The following VEGFC variants were observed in gnomAD, a reference collection of about 807,000 sequenced individuals.
The protein encoded by VEGFC is FLT4 ligand DHM.
VEGFC carries 12 observed loss-of-function variants against 46.1 expected under a neutral mutation model. The ratio of observed to expected loss-of-function variants is 0.26; its 90% confidence interval spans 0.17 to 0.42. The LOEUF is 0.42. VEGFC is among the 10% of genes least tolerant of loss of function. VEGFC has a pLI of 1.00. For synonymous variants in VEGFC, 232 were observed against 195.5 expected (o/e 1.19, Z -1.56); for missense variants, 488 against 529.4 (o/e 0.92, Z 0.77).
At chr4:176,782,816 A>C (rs1359350198) in intron 1 of VEGFC, among the ~76,000 whole-genome samples, 1 of 152,012 alleles carries the variant, frequency 6.6e-6, no homozygotes, top group African/African-American at 2.4e-5. Flanking sequence ...CAGAAAAAAA[A>C]TTCTGTTTAA....
intron 4 of VEGFC, among the ~76,000 whole-genome samples, chr4:176,704,190 G>A (rs974763764): frequency 1.1e-4 from 16 of 152,028 alleles, no homozygotes; most frequent in South Asian, 2.1e-4. Context: ...TCAGTCTCCC[G>A]TACAGATTAC....
At chr4:176,778,797 G>C (rs1735859441) in intron 1 of VEGFC, among the ~76,000 whole-genome samples, 1 of 152,008 alleles carries the variant, frequency 6.6e-6, no homozygotes, top group South Asian at 2.1e-4. Context: ...CATGTACAGG[G>C]ACAAAACCTT....
chr4:176,764,274 C>T (rs760353687), intron 1 of VEGFC, among the ~76,000 whole-genome samples: 1 of 152,088 alleles, frequency 6.6e-6, no homozygotes, highest in Non-Finnish European at 1.5e-5. Flanking sequence ...GGCTGAAAAT[C>T]CAGGCAGAAA....
At chr4:176,779,729 G>GCC (rs34520805) in intron 1 of VEGFC, among the ~76,000 whole-genome samples, 1 of 151,210 alleles carries the variant, frequency 6.6e-6, no homozygotes, top group East Asian at 1.9e-4. Flanking sequence ...CGAAAGCAAA[G>GCC]CCCCCAGATA....
intron 1 of VEGFC, among the ~76,000 whole-genome samples, chr4:176,762,637 CATCT>C (rs1393785281): frequency 7.2e-5 from 11 of 152,204 alleles, no homozygotes; most frequent in African/African-American, 2.4e-4. Flanking sequence ...TGAAAAAGTG[CATCT>C]ATCTATTTAT....
chr4:176,717,691 T>G (rs1262565834), intron 3 of VEGFC, among the ~76,000 whole-genome samples: 2 of 152,052 alleles, frequency 1.3e-5, no homozygotes, highest in African/African-American at 4.8e-5. Context: ...TCAGAACAAA[T>G]CTCACTACCA....
intron 4 of VEGFC, chr4:176,706,082 G>A (rs1734529630): frequency 6.6e-6 from 1 of 152,206 alleles, no homozygotes. Flanking sequence ...GAGACAATGT[G>A]TGGCAGATGC....
chr4:176,776,195 A>C (rs1254813729), intron 1 of VEGFC, among the ~76,000 whole-genome samples: 2 of 152,226 alleles, frequency 1.3e-5, no homozygotes, highest in African/African-American at 4.8e-5. Context: ...TTGAGAAACA[A>C]AGGTAAAGTT....
intron 3 of VEGFC, among the ~76,000 whole-genome samples, chr4:176,716,479 A>G (rs1734699954): frequency 6.8e-6 from 1 of 147,638 alleles, no homozygotes; most frequent in Non-Finnish European, 1.5e-5. Context: ...TGGGAGGCTG[A>G]GGCAGGAGAG....
chr4:176,687,747 G>C, intron 5 of VEGFC, 74 bp downstream of exon 5: 1 of 1,115,256 alleles, frequency 9.0e-7, no homozygotes, highest in Non-Finnish European at 1.3e-6. Flanking sequence ...TTATATGTGT[G>C]GTTTTAATAT....
At chr4:176,713,448 T>A (rs1162220509) in intron 3 of VEGFC, among the ~76,000 whole-genome samples, 1 of 152,114 alleles carries the variant, frequency 6.6e-6, no homozygotes, top group Non-Finnish European at 1.5e-5. Context: ...ACAAAGTGGT[T>A]TTAAAAAGCA....
At chr4:176,724,242 G>A (rs1306868823) in intron 3 of VEGFC, among the ~76,000 whole-genome samples, 4 of 152,156 alleles carry the variant, frequency 2.6e-5, no homozygotes, top group Non-Finnish European at 4.4e-5. Flanking sequence ...AAAGGCTAGG[G>A]GTCAGGGAAC....
chr4:176,767,257 A>G (rs1434877778), intron 1 of VEGFC, among the ~76,000 whole-genome samples: 2 of 152,180 alleles, frequency 1.3e-5, no homozygotes, highest in African/African-American at 2.4e-5. Context: ...TTCCATGAAA[A>G]GGCAAAATAA....
rs182171653 is a variant in VEGFC at position 176,779,580 on chromosome 4, G to C, written c.147+12585C>G. ...TGAGCACCCAGGGGCACATCATCAA[G>C]TGGGGTGAAACACTTTCCTCTGGAG... On this transcript the variant is annotated intron_variant, in intron 1 of 6. Coordinates refer to ENST00000618562, the MANE Select transcript of VEGFC (RefSeq NM_005429.5). 2.0e-3 allele frequency among the ~76,000 whole-genome samples: 304 copies of C among 152,254 alleles called. 1 individual carries two copies. Among genetic ancestry groups the C allele is most frequent in the Non-Finnish European group, 3.1e-3 (212 of 68,022 alleles).
intron 1 of VEGFC, among the ~76,000 whole-genome samples, chr4:176,777,614 T>C (rs1735835186): frequency 6.6e-6 from 1 of 152,218 alleles, no homozygotes; most frequent in Admixed American, 6.5e-5. Flanking sequence ...CATATAGACA[T>C]ATAAAAGCAA....
At chr4:176,696,240 G>A (rs574695448) in intron 4 of VEGFC, among the ~76,000 whole-genome samples, 1 of 151,088 alleles carries the variant, frequency 6.6e-6, no homozygotes, top group Non-Finnish European at 1.5e-5. Flanking sequence ...AAACCCCATT[G>A]TCTCAGCCAA....
At chr4:176,725,914 TATTTA>T (rs893321241) in intron 3 of VEGFC, among the ~76,000 whole-genome samples, 1 of 152,138 alleles carries the variant, frequency 6.6e-6, no homozygotes, top group African/African-American at 2.4e-5. Flanking sequence ...TAAGTATTTC[TATTTA>T]ATTTATTTTA....
chr4:176,737,660 G>C (rs1225475125), intron 1 of VEGFC, among the ~76,000 whole-genome samples: 2 of 151,488 alleles, frequency 1.3e-5, no homozygotes, highest in East Asian at 3.9e-4. Context: ...TAGGATAACT[G>C]CTTTTCTCCA....
At chr4:176,729,827 A>C (rs1734932352) in intron 1 of VEGFC, 81 bp from the exon 2 acceptor site, 2 of 1,064,790 alleles carry the variant, frequency 1.9e-6, no homozygotes, top group Non-Finnish European at 2.6e-6. Context: ...GGTTAGGTTT[A>C]ATAGTATCTA....
Sources: gnomAD v4.1 joint callset for allele counts (sites outside exome capture counted in the v4.1 genomes callset) on GRCh38, gnomAD v4.1.1 for gene constraint, MANE v1.5 for transcripts, NCBI Gene and HGNC (gene_info 2026-07-23, HGNC 2026-07-21) for gene names.